RAVER1: variants seen among roughly 807,000 people sequenced by gnomAD.
The protein encoded by RAVER1 is ribonucleoprotein, PTB binding 1.
RAVER1 carries 36 observed loss-of-function variants against 68.4 expected under a neutral mutation model. The ratio of observed to expected loss-of-function variants is 0.53; its 90% CI spans 0.40 to 0.70. The LOEUF (loss-of-function observed/expected upper bound fraction) is 0.70, where lower values mean the gene tolerates loss of function less well. Among genes scored for constraint, RAVER1 ranks in the 30% least tolerant of loss-of-function variants. The probability of loss-of-function intolerance (pLI) is 0.00; values close to 1 mark genes in which losing one functional copy is unlikely to be tolerated. For synonymous variants in RAVER1, 469 were observed against 472.7 expected (o/e 0.99, Z 0.10); for missense variants, 933 against 1,019.8 (o/e 0.91, Z 1.16).
intron 9 of RAVER1, among the ~76,000 whole-genome samples, chr19:10,319,958 C>G (rs2040423671): frequency 6.6e-6 from 1 of 151,994 alleles, no homozygotes; most frequent in Non-Finnish European, 1.5e-5. Context: ...AATTTCTGAC[C>G]TGCCAAGGAG....
rs752200174 is a variant in RAVER1, at chr19:10,329,049, G to A, written c.349C>T (p.Arg117Cys). Residue 117 changes from arginine to cysteine, a missense_variant, in exon 3 of 13, where the codon CGC (arginine) becomes TGC (cysteine). By Grantham distance (180) the Arg-to-Cys change is radical. Transcript: ENST00000617231. This position sits in a 1 kb window ranked among gnomAD's most constrained non-coding sequence, Gnocchi z 4.6. ...EAAINAFHQS[R>C]LRERELSVQL... is the part of the protein sequence containing the mutation. ...ACCGACAGTTCACGCTCCCGCAGGC[G>A]GCTCTGGTGGAAAGCATTGATTGCG... is the stretch of plus-strand genomic sequence containing the variant. The A allele has an allele frequency of 5.2e-6, 8 of 1,531,988 alleles. No homozygotes were observed. Among genetic ancestry groups the A allele is most frequent in the Middle Eastern group, 1.8e-4 (1 of 5,704 alleles). The allele number at this position is 1,531,988 out of a possible 1,614,324, so 94.9% of individuals were successfully genotyped here.
At chr19:10,318,857 G>A (rs910326331) in intron 10 of RAVER1, among the ~76,000 whole-genome samples, 2 of 152,112 alleles carry the variant, frequency 1.3e-5, no homozygotes, top group Non-Finnish European at 1.5e-5. Flanking sequence ...GCCGGGGACC[G>A]CCCACTGCCC....
At position 10,321,242 on chromosome 19, in the gene RAVER1, C is replaced by G; in HGVS notation, c.1279G>C (p.Glu427Gln). 7.8e-7 allele frequency: 1 copy of G among 1,277,040 alleles called. No individual in the cohort carries two copies. The highest frequency in any genetic ancestry group is 3.1e-5 in the South Asian group (1 of 32,756). The allele number at this position is 1,277,040 out of a possible 1,614,324, so 79.1% of individuals were successfully genotyped here. ...ELPAGGGLPPELPPRRGKPPP... is the reference protein window; with the variant it reads ...ELPAGGGLPPQLPPRRGKPPP... ...GGCTTCCCTCGCCGGGGCGGCAGCTCCGGGGGCAGGCCCCCTCCTAGGGAG... is the reference window on the plus strand; with the variant it reads ...GGCTTCCCTCGCCGGGGCGGCAGCTGCGGGGGCAGGCCCCCTCCTAGGGAG... The change falls in exon 8 of 13, where the codon GAG (glutamate) becomes CAG (glutamine). Residue 427 changes from glutamate (E) to glutamine (Q), a missense_variant. Transcript: ENST00000617231.
chr19:10,327,447 T>G (rs984900636), intron 3 of RAVER1, among the ~76,000 whole-genome samples: 4 of 151,580 alleles, frequency 2.6e-5, no homozygotes, highest in Non-Finnish European at 5.9e-5. Flanking sequence ...TAGAGAGGAT[T>G]TCACCATATT....
At chr19:10,321,641 TG>T in intron 6 of RAVER1, 23 bp from the exon 7 acceptor site, 2 of 1,404,626 alleles carry the variant, frequency 1.4e-6, no homozygotes, top group Non-Finnish European at 1.9e-6. Flanking sequence ...CACAGACAGT[TG>T]CAGATGGGGG....
chr19:10,329,612 C>T lies in RAVER1; in HGVS notation c.287-501G>A, dbSNP rs1376164247. Among the ~76,000 whole-genome samples the T allele has an allele frequency of 6.6e-6, 1 of 151,792 alleles. No homozygotes were observed. Among genetic ancestry groups the T allele is most frequent in the Non-Finnish European group, 1.5e-5 (1 of 67,800 alleles). Reference sequence around the variant, plus strand: ...GGACTTGAACCCAGGCAGCCGGACTCCAGAGGCCCACTCTACACACTGCCC... The same window carrying T: ...GGACTTGAACCCAGGCAGCCGGACTTCAGAGGCCCACTCTACACACTGCCC... On this transcript the variant is annotated intron_variant, in intron 2 of 12. Transcript: ENST00000617231. This position sits in a 1 kb window ranked among gnomAD's most constrained non-coding sequence, Gnocchi z 4.6.
Position 10,316,655 on chromosome 19 carries a change from T to C in RAVER1, c.*799A>G. On this transcript the variant is annotated 3_prime_UTR_variant, in exon 13 of 13. Coordinates refer to ENST00000617231, the MANE Select transcript of RAVER1 (RefSeq NM_133452.3). ...GGGTGGTGGGGCCGGTTCGCCAAGA[T>C]GAAGGCTTTCCCCTTCTACTGTCCC... The C allele has an allele frequency of 1.3e-6, 1 of 793,984 alleles. No individual in the cohort carries two copies. The highest frequency in any genetic ancestry group is 1.5e-6 in the Non-Finnish European group (1 of 654,334). The allele number at this position is 793,984 out of a possible 1,614,324, so 49.2% of individuals were successfully genotyped here.
intron 3 of RAVER1, among the ~76,000 whole-genome samples, chr19:10,325,525 T>C (rs2040468340): frequency 6.6e-6 from 1 of 151,348 alleles, no homozygotes; most frequent in Admixed American, 6.6e-5. Flanking sequence ...CACCGTGCCA[T>C]GAGACAGGGT....
intron 1 of RAVER1, among the ~76,000 whole-genome samples, chr19:10,331,298 C>G (rs560648703): frequency 7.5e-6 from 1 of 132,816 alleles, no homozygotes; most frequent in East Asian, 2.3e-4. Context: ...TGCAGTGAGC[C>G]GAGATTGCGC....
At chr19:10,332,475 C>T (rs537160450) in intron 1 of RAVER1, among the ~76,000 whole-genome samples, 5 of 152,346 alleles carry the variant, frequency 3.3e-5, no homozygotes, top group Non-Finnish European at 7.3e-5. Flanking sequence ...AAATTCAGCC[C>T]CTCCCAACAT....
Position 10,323,364 on chromosome 19 carries a change from C to T in RAVER1, c.948+11G>A. On this transcript the variant is annotated intron_variant, in intron 4 of 12. Transcript: ENST00000617231. The surrounding 1 kb of genome is among the most constrained non-coding windows in gnomAD (Gnocchi z 6.2). ...ATCCCCACCCCGCCACCTCTGCCCG[C>T]ACAGGCTCACCGTGGCCTGGGCAGC... The T allele has an allele frequency of 6.2e-7, 1 of 1,605,766 alleles. No homozygotes were observed. Among genetic ancestry groups the T allele is most frequent in the Non-Finnish European group, 8.5e-7 (1 of 1,176,140 alleles).
In RAVER1 at chr19:10,318,226, C is replaced by T. The variant is rs1328958748; in HGVS notation, c.1989+3G>A. 2 of 1,602,214 alleles carry T rather than the reference C, an allele frequency of 1.2e-6. No homozygotes were observed. Among genetic ancestry groups the T allele is most frequent in the Admixed American group, 3.5e-5 (2 of 57,964 alleles). The stretch of plus-strand genomic sequence containing the variant: ...CCTGTGCTTGGCCAGAGAGGTTCCT[C>T]ACCTTACTGAGGTGGCTCTGCTTGA... On this transcript the variant is annotated splice_donor_region_variant and intron_variant, in intron 11 of 12. Transcript: ENST00000617231.
chr19:10,326,264 T>G (rs2040474085), intron 3 of RAVER1, among the ~76,000 whole-genome samples: 1 of 152,034 alleles, frequency 6.6e-6, no homozygotes, highest in Non-Finnish European at 1.5e-5. Context: ...TAAAAAAATA[T>G]AAAATAAAAT....
chr19:10,322,787 GC>G lies in RAVER1; in HGVS notation c.1079-49del. On this transcript the variant is annotated intron_variant, in intron 5 of 12. Coordinates refer to ENST00000617231, the MANE Select transcript of RAVER1 (RefSeq NM_133452.3). The surrounding 1 kb of genome is among the most constrained non-coding windows in gnomAD (Gnocchi z 4.3). Reference sequence around the variant, plus strand: ...GTGTGGGGGTCCCTGTGTCCTCCCTGCCCCACCTCACGAAACACAGCCCTGA... The same window carrying G: ...GTGTGGGGGTCCCTGTGTCCTCCCTGCCCACCTCACGAAACACAGCCCTGA... The G allele has an allele frequency of 8.7e-7, 1 of 1,145,594 alleles. No individual in the cohort carries two copies. The highest frequency in any genetic ancestry group is 1.2e-6 in the Non-Finnish European group (1 of 846,836). 71.0% of individuals were successfully genotyped at this position (1,145,594 alleles called of 1,614,324 possible). A position where few individuals can be genotyped will look rare whatever the true frequency, so the allele number is the denominator to read the frequency against.
In RAVER1 at chr19:10,321,134, T is replaced by C; in HGVS notation, c.1387A>G (p.Thr463Ala). ...AGCCCCACAGGGGCGGGGGGAGGAGTGAGCTGGGCCGCTGGGGGACCCAAG... is the reference window on the plus strand; with the variant it reads ...AGCCCCACAGGGGCGGGGGGAGGAGCGAGCTGGGCCGCTGGGGGACCCAAG... ...LGLGPPAAQL[T>A]PPPAPVGLRG... The change falls in exon 8 of 13, where the codon ACT becomes GCT. Residue 463 changes from threonine to alanine, a missense_variant. Physicochemically the swap from Thr to Ala is moderately conservative, Grantham distance 58. Coordinates refer to ENST00000617231, the MANE Select transcript of RAVER1 (RefSeq NM_133452.3). The C allele has an allele frequency of 7.8e-7, 1 of 1,290,292 alleles. No individual in the cohort carries two copies. Among genetic ancestry groups the C allele is most frequent in the Non-Finnish European group, 9.8e-7 (1 of 1,018,278 alleles). The allele number at this position is 1,290,292 out of a possible 1,614,324, so 79.9% of individuals were successfully genotyped here. A position where few individuals can be genotyped will look rare whatever the true frequency, so the allele number is the denominator to read the frequency against.
chr19:10,318,813 T>C (rs1435100240), intron 10 of RAVER1, among the ~76,000 whole-genome samples: 2 of 152,164 alleles, frequency 1.3e-5, no homozygotes, highest in African/African-American at 4.8e-5. Context: ...GCCAAATATG[T>C]GAGGCCACAT....
chr19:10,323,433 CAGA>C lies in RAVER1; in HGVS notation c.887_889del (p.Phe296del), dbSNP rs765768909. 3 of 1,608,860 alleles carry C rather than the reference CAGA, an allele frequency of 1.9e-6. No homozygotes were observed. Among genetic ancestry groups the C allele is most frequent in the Admixed American group, 1.7e-5 (1 of 59,620 alleles). On this transcript the variant is annotated inframe_deletion, in exon 4 of 13. Transcript: ENST00000617231. The surrounding 1 kb of genome is among the most constrained non-coding windows in gnomAD (Gnocchi z 6.2). The stretch of plus-strand genomic sequence containing the variant: ...ACTGCGGCCGGGGGGCCCAGGGGCG[CAGA>C]AGGAGACTCGCAGGTGGCTGCCCCC...
At position 10,323,708 on chromosome 19, in the gene RAVER1, G is replaced by C. The variant is rs574106805; in HGVS notation, c.757-142C>G. ...CTCCACTGCCCTGTGCCTCATTCCT[G>C]CATCAGCTCATCTGATTTTCCCAAT... On this transcript the variant is annotated intron_variant, in intron 3 of 12. Coordinates refer to ENST00000617231, the MANE Select transcript of RAVER1 (RefSeq NM_133452.3). This position sits in a 1 kb window ranked among gnomAD's most constrained non-coding sequence, Gnocchi z 6.2. The C allele has an allele frequency of 7.3e-6, 6 of 826,540 alleles. No individual in the cohort carries two copies. Among genetic ancestry groups the C allele is most frequent in the Non-Finnish European group, 1.1e-5 (6 of 545,090 alleles). 51.2% of individuals were successfully genotyped at this position (826,540 alleles called of 1,614,324 possible). A position where few individuals can be genotyped will look rare whatever the true frequency, so the allele number is the denominator to read the frequency against.
In RAVER1 at chr19:10,333,146, C is replaced by G; in HGVS notation, c.219+143G>C. ...CGCCCCCCCACGTCCCGCTCTTGGT[C>G]TCTCCCGATCCCGCGTGGATCCGGT... On this transcript the variant is annotated intron_variant, in intron 1 of 12. Transcript: ENST00000617231. This position sits in a 1 kb window ranked among gnomAD's most constrained non-coding sequence, Gnocchi z 4.2. The G allele has an allele frequency of 1.3e-6, 1 of 792,580 alleles. No individual in the cohort carries two copies. 49.1% of individuals were successfully genotyped at this position (792,580 alleles called of 1,614,324 possible). A position where few individuals can be genotyped will look rare whatever the true frequency, so the allele number is the denominator to read the frequency against.
Sources: gnomAD v4.1 joint callset for allele counts (sites outside exome capture counted in the v4.1 genomes callset) on GRCh38, gnomAD v4.1.1 for gene constraint, Gnocchi (gnomAD v3.1) non-coding constraint, MANE v1.5 for transcripts, NCBI Gene and HGNC (gene_info 2026-07-23, HGNC 2026-07-21) for gene names.